SPATA13: variants seen among roughly 807,000 people sequenced by gnomAD.
SPATA13 encodes spermatogenesis-associated protein 13.
SPATA13 carries 50 observed loss-of-function variants against 104.0 expected under a neutral mutation model. That is an observed-to-expected ratio of 0.48 (90% CI 0.38 to 0.61). The LOEUF is 0.61. Ranked by LOEUF, SPATA13 falls within the 20% of genes least tolerant of loss-of-function variation. The probability of loss-of-function intolerance (pLI) is 0.00; values close to 1 mark genes in which losing one functional copy is unlikely to be tolerated. For synonymous variants in SPATA13, 606 were observed against 667.5 expected (o/e 0.91, Z 1.42); for missense variants, 1,524 against 1,690.6 (o/e 0.90, Z 1.73).
intron 3 of SPATA13, among the ~76,000 whole-genome samples, chr13:24,054,045 T>G (rs1878456813): frequency 6.6e-6 from 1 of 151,992 alleles, no homozygotes; most frequent in Non-Finnish European, 1.5e-5. Flanking sequence ...GCGGGGACAC[T>G]CTGAAGAACA....
intron 4 of SPATA13, among the ~76,000 whole-genome samples, chr13:24,268,348 G>A (rs1482384484): frequency 6.6e-6 from 1 of 152,150 alleles, no homozygotes; most frequent in African/African-American, 2.4e-5. Flanking sequence ...ACAGTATCGA[G>A]GAGTCTTTTG....
At chr13:24,147,476 C>T (rs1190106107) in intron 3 of SPATA13, among the ~76,000 whole-genome samples, 1 of 152,186 alleles carries the variant, frequency 6.6e-6, no homozygotes, top group Non-Finnish European at 1.5e-5. Flanking sequence ...TGTGTGCTCC[C>T]TTCTCCGTTG....
At chr13:23,985,389 G>A (rs180951522) in intron 2 of SPATA13, among the ~76,000 whole-genome samples, 1 of 152,228 alleles carries the variant, frequency 6.6e-6, no homozygotes. Flanking sequence ...TGATGTGGGG[G>A]CTCAGTGGCC....
At chr13:24,197,244 T>C (rs1196473179) in intron 1 of SPATA13, among the ~76,000 whole-genome samples, 3 of 152,172 alleles carry the variant, frequency 2.0e-5, no homozygotes. Context: ...TATAAAATAA[T>C]ATTGAGATAA....
intron 4 of SPATA13, among the ~76,000 whole-genome samples, chr13:24,281,056 A>G (rs1875473160): frequency 6.6e-6 from 1 of 150,498 alleles, no homozygotes; most frequent in Admixed American, 6.6e-5. Flanking sequence ...CCTGCTGCCC[A>G]CCCACCCGTG....
intron 1 of SPATA13, among the ~76,000 whole-genome samples, chr13:24,174,261 T>C (rs1003903101): frequency 6.6e-6 from 1 of 152,216 alleles, no homozygotes; most frequent in Non-Finnish European, 1.5e-5. Flanking sequence ...GCTCGTATTA[T>C]CAGTCTTTTC....
chr13:24,282,614 C>T (rs936278370), intron 4 of SPATA13, among the ~76,000 whole-genome samples: 1 of 152,234 alleles, frequency 6.6e-6, no homozygotes, highest in Admixed American at 6.5e-5. Context: ...TCCCACTAAC[C>T]TGTGTTCTCC....
Position 24,186,873 on chromosome 13 carries a change from C to T in SPATA13, c.-112+25941C>T, listed in dbSNP as rs533933308. Among the ~76,000 whole-genome samples the T allele has an allele frequency of 2.6e-5, 4 of 152,216 alleles. No individual in the cohort carries two copies. In the South Asian group the frequency reaches 8.3e-4, roughly 32 times the overall value. The stretch of plus-strand genomic sequence containing the variant: ...GCTTTTGCATATTCTCATGAAATTC[C>T]AATTGGTGAATTTATTAAGAAGTTG... On this transcript the variant is annotated intron_variant, in intron 1 of 12. Transcript: ENST00000382108.
chr13:24,258,440 G>A (rs1429690311), intron 4 of SPATA13, among the ~76,000 whole-genome samples: 1 of 151,318 alleles, frequency 6.6e-6, no homozygotes. Context: ...GCTGAGGTCG[G>A]CAGATCACTT....
At position 24,297,407 on chromosome 13, in the gene SPATA13, G is replaced by A. The variant is rs772736402; in HGVS notation, c.3255G>A (p.Gly1085=). The A allele has an allele frequency of 8.7e-6, 14 of 1,613,726 alleles. No individual in the cohort carries two copies. Among genetic ancestry groups the A allele is most frequent in the South Asian group, 5.5e-5 (5 of 91,080 alleles). The change falls in exon 11 of 13, where the codon GGG becomes GGA. Residue 1085 remains glycine, a synonymous_variant. Transcript: ENST00000382108. ...LDRSSELIHS[G]ELTKITKQGK... ...GAAGCTCAGAATTGATTCATTCTGG[G>A]GAGCTGACCAAAATCACTAAGCAAG...
chr13:24,005,180 T>G (rs1329906254), intron 2 of SPATA13, among the ~76,000 whole-genome samples: 3 of 152,214 alleles, frequency 2.0e-5, no homozygotes, highest in Admixed American at 6.5e-5. Flanking sequence ...AAAGATGACA[T>G]CAGCATTTAA....
intron 3 of SPATA13, among the ~76,000 whole-genome samples, chr13:24,023,877 G>A (rs1399465324): frequency 1.3e-5 from 2 of 152,178 alleles, no homozygotes; most frequent in South Asian, 2.1e-4. Flanking sequence ...AGTGTGAGAC[G>A]GTGATCTGCA....
intron 3 of SPATA13, among the ~76,000 whole-genome samples, chr13:24,106,264 C>T (rs1191496747): frequency 6.6e-6 from 1 of 152,150 alleles, no homozygotes; most frequent in Non-Finnish European, 1.5e-5. Context: ...ATACTCCTGG[C>T]CTCAGTGATC....
intron 5 of SPATA13, among the ~76,000 whole-genome samples, chr13:24,285,130 G>T (rs780232013): frequency 6.6e-6 from 1 of 152,112 alleles, no homozygotes; most frequent in African/African-American, 2.4e-5. Flanking sequence ...GATGTGTATC[G>T]TTGGGCGCTA....
chr13:24,157,528 C>T (rs1490500666), upstream of SPATA13, among the ~76,000 whole-genome samples: 1 of 152,150 alleles, frequency 6.6e-6, no homozygotes, highest in South Asian at 2.1e-4. Flanking sequence ...TCTCGATCTC[C>T]TGACCTCGTG....
At chr13:24,037,918 A>AT (rs912293042) in intron 3 of SPATA13, among the ~76,000 whole-genome samples, 57 of 148,120 alleles carry the variant, frequency 3.8e-4, no homozygotes, top group South Asian at 1.1e-3. Context: ...ACTAGACTAG[A>AT]TTTTTTTTTT....
chr13:24,076,275 T>G (rs1473313039), intron 3 of SPATA13, among the ~76,000 whole-genome samples: 1 of 152,110 alleles, frequency 6.6e-6, no homozygotes, highest in African/African-American at 2.4e-5. Flanking sequence ...CCTGAACTCC[T>G]GGGAAATGAG....
chr13:24,176,168 T>C (rs995109621), intron 1 of SPATA13, among the ~76,000 whole-genome samples: 4 of 152,214 alleles, frequency 2.6e-5, no homozygotes, highest in Non-Finnish European at 4.4e-5. Flanking sequence ...CCATTTTTTG[T>C]TTTATTTCTT....
intron 3 of SPATA13, among the ~76,000 whole-genome samples, chr13:24,026,551 C>CA (rs112943279): frequency 7.3e-4 from 111 of 152,228 alleles, no homozygotes; most frequent in African/African-American, 2.6e-3. Flanking sequence ...GAATTGGATA[C>CA]AAACTGCTGT....
Sources: allele counts gnomAD v4.1 joint callset (sites outside exome capture counted in the v4.1 genomes callset), GRCh38; gene constraint gnomAD v4.1.1; transcripts MANE v1.5; gene names NCBI Gene and HGNC (gene_info 2026-07-23, HGNC 2026-07-21).